The following LDHC variants were observed in gnomAD, a reference collection of about 807,000 sequenced individuals.
LDHC encodes lactate dehydrogenase C.
LDHC carries 20 observed loss-of-function variants against 30.2 expected under a neutral mutation model. That is an observed-to-expected ratio of 0.66 (90% CI 0.47 to 0.96). The LOEUF (loss-of-function observed/expected upper bound fraction) is 0.96, where lower values mean the gene tolerates loss of function less well. Ranked by LOEUF, LDHC falls within the 40% of genes least tolerant of loss-of-function variation. The probability of loss-of-function intolerance (pLI) is 0.00; values close to 1 mark genes in which losing one functional copy is unlikely to be tolerated. For missense variants in LDHC, 362 were observed against 394.9 expected (o/e 0.92, Z 0.71); for synonymous variants, 139 against 132.7 (o/e 1.05, Z -0.32).
At chr11:18,422,352 T>C (rs2698561) in intron 3 of LDHC, among the ~76,000 whole-genome samples, 133,384 of 151,852 alleles carry the variant, frequency 0.88, 58,657 homozygotes, top group East Asian at 0.95. Flanking sequence ...GCCAGGAGTT[T>C]GAGATCAGCC....
intron 2 of LDHC, among the ~76,000 whole-genome samples, chr11:18,413,243 G>A (rs1315671586): frequency 2.0e-5 from 3 of 150,760 alleles, no homozygotes; most frequent in African/African-American, 2.4e-5. Flanking sequence ...CACCAGGCCT[G>A]GCTAATTTTT....
At chr11:18,417,929 G>A (rs995924420) in intron 3 of LDHC, among the ~76,000 whole-genome samples, 2 of 152,010 alleles carry the variant, frequency 1.3e-5, no homozygotes, top group East Asian at 1.9e-4. Context: ...CTAGCTTTGC[G>A]AGGCTGATGC....
intron 3 of LDHC, among the ~76,000 whole-genome samples, chr11:18,425,922 C>G (rs1411716303): frequency 6.7e-6 from 1 of 149,580 alleles, no homozygotes; most frequent in Non-Finnish European, 1.5e-5. Flanking sequence ...GCCTGGGCAA[C>G]AGAGCGAGAC....
At chr11:18,432,172 T>C (rs2134060580) in intron 4 of LDHC, among the ~76,000 whole-genome samples, 1 of 152,324 alleles carries the variant, frequency 6.6e-6, no homozygotes, top group Non-Finnish European at 1.5e-5. Flanking sequence ...GTCATTACTG[T>C]CATTCGATTA....
intron 6 of LDHC, among the ~76,000 whole-genome samples, chr11:18,440,924 G>A (rs1411608670): frequency 1.3e-5 from 2 of 149,142 alleles, no homozygotes; most frequent in African/African-American, 2.5e-5. Context: ...GGACAGCAGA[G>A]AAAAATCCTG....
chr11:18,428,217 G>GC (rs1454950911), intron 3 of LDHC, among the ~76,000 whole-genome samples: 1 of 130,872 alleles, frequency 7.6e-6, no homozygotes, highest in African/African-American at 3.0e-5. Context: ...TGTCACACAG[G>GC]CTGGAGTGCA....
At chr11:18,414,877 C>T (rs536851155) in intron 2 of LDHC, among the ~76,000 whole-genome samples, 19 of 151,976 alleles carry the variant, frequency 1.3e-4, no homozygotes, top group African/African-American at 4.3e-4. Context: ...ATAATAAAAG[C>T]CTTTGAAATC....
chr11:18,434,618 T>G, intron 4 of LDHC, 122 bp from the exon 5 acceptor site: 1 of 620,492 alleles, frequency 1.6e-6, no homozygotes, highest in Non-Finnish European at 2.9e-6. Flanking sequence ...CAGCCAGTGA[T>G]TTGCTTCACT....
intron 6 of LDHC, 92 bp downstream of exon 6, chr11:18,438,737 T>C (rs769948569): frequency 1.6e-4 from 106 of 652,090 alleles, no homozygotes; most frequent in Non-Finnish European, 2.7e-4. Context: ...TCCTTGCTTT[T>C]TGTGAGATAA....
rs76538996 is a variant in LDHC, at chr11:18,429,934, A to G, written c.418+24A>G. The G allele has an allele frequency of 8.2e-6, 12 of 1,454,832 alleles. No homozygotes were observed. The East Asian group carries it at 2.5e-4, about 30-fold the overall frequency. The allele number at this position is 1,454,832 out of a possible 1,614,324, so 90.1% of individuals were successfully genotyped here. A position where few individuals can be genotyped will look rare whatever the true frequency, so the allele number is the denominator to read the frequency against. ...AGGTGAGTCTTCTCTCTTCCATTCT[A>G]TTGCATAAGGATGATCTTTCCATAC... On this transcript the variant is annotated intron_variant, in intron 4 of 7. Coordinates refer to ENST00000541669, the MANE Select transcript of LDHC (RefSeq NM_017448.5).
At chr11:18,448,002 T>C (rs1452334558) in intron 7 of LDHC, among the ~76,000 whole-genome samples, 2 of 147,986 alleles carry the variant, frequency 1.4e-5, no homozygotes, top group Admixed American at 1.4e-4. Context: ...TGAGCCAAGA[T>C]TGTGTCACTG....
chr11:18,447,275 A>T (rs1012787713), intron 7 of LDHC, among the ~76,000 whole-genome samples: 1 of 151,916 alleles, frequency 6.6e-6, no homozygotes. Flanking sequence ...CTGGGACTAT[A>T]GGCACCCACC....
intron 5 of LDHC, among the ~76,000 whole-genome samples, chr11:18,436,083 A>C (rs1276745892): frequency 2.0e-5 from 3 of 152,228 alleles, no homozygotes; most frequent in Non-Finnish European, 4.4e-5. Context: ...TTATAATCCA[A>C]GAGCCATAAT....
At position 18,451,108 on chromosome 11, in the gene LDHC, A is replaced by C. The variant is rs755243567; in HGVS notation, c.980A>C (p.Gln327Pro). The change falls in exon 8 of 8, where the codon CAA (glutamine) becomes CCA (proline). Residue 327 changes from glutamine (Q) to proline (P), a missense_variant. Transcript: ENST00000541669. ...AGTGCAGAAACACTTTGGAATATTCAAAAGGATCTAATATTTTAAATTAAA... is the reference window on the plus strand; with the variant it reads ...AGTGCAGAAACACTTTGGAATATTCCAAAGGATCTAATATTTTAAATTAAA... ...KKSAETLWNI[Q>P]KDLIF 1 of 1,536,078 alleles carries C rather than the reference A, an allele frequency of 6.5e-7. No homozygotes were observed. The highest frequency in any genetic ancestry group is 1.3e-5 in the South Asian group (1 of 76,936).
At chr11:18,447,873 A>T (rs971518678) in intron 7 of LDHC, among the ~76,000 whole-genome samples, 4 of 151,756 alleles carry the variant, frequency 2.6e-5, no homozygotes, top group African/African-American at 9.7e-5. Context: ...ACATGGTGAA[A>T]CCCTGCCTCT....
At chr11:18,437,310 A>G (rs1848371886) in intron 5 of LDHC, among the ~76,000 whole-genome samples, 1 of 152,210 alleles carries the variant, frequency 6.6e-6, no homozygotes, top group Admixed American at 6.5e-5. Context: ...TGCCTCCTAT[A>G]CCACACAATT....
intron 6 of LDHC, among the ~76,000 whole-genome samples, chr11:18,441,466 G>A (rs890619858): frequency 7.2e-5 from 11 of 151,748 alleles, no homozygotes; most frequent in African/African-American, 2.7e-4. Flanking sequence ...GCGCCACCAT[G>A]CTCAGCTAAT....
chr11:18,426,595 A>G (rs1466465727), intron 3 of LDHC, among the ~76,000 whole-genome samples: 1 of 151,876 alleles, frequency 6.6e-6, no homozygotes, highest in East Asian at 1.9e-4. Context: ...ATCAGAACCT[A>G]TTATTAATAT....
chr11:18,426,829 C>T (rs1029348820), intron 3 of LDHC, among the ~76,000 whole-genome samples: 3 of 152,006 alleles, frequency 2.0e-5, no homozygotes, highest in African/African-American at 7.3e-5. Flanking sequence ...CTGTTAATGC[C>T]ATCATTTCCT....
Sources: allele counts gnomAD v4.1 joint callset (sites outside exome capture counted in the v4.1 genomes callset), GRCh38; gene constraint gnomAD v4.1.1; transcripts MANE v1.5; gene names NCBI Gene and HGNC (gene_info 2026-07-23, HGNC 2026-07-21).